The following RANBP2 variants were observed in gnomAD, a reference collection of about 807,000 sequenced individuals.
The protein encoded by RANBP2 is E3 SUMO-protein ligase RanBP2.
In RANBP2, 57 loss-of-function variants were observed where a neutral mutation model predicts 303.6. That is an observed-to-expected ratio of 0.19 (90% confidence interval 0.15 to 0.23). The LOEUF (loss-of-function observed/expected upper bound fraction) is 0.23. RANBP2 is among the 10% of genes least tolerant of loss of function. The pLI, the probability that RANBP2 is intolerant of heterozygous loss-of-function variation, is 1.00. For synonymous variants in RANBP2, 1,167 were observed against 1,301.5 expected (o/e 0.90, Z 2.23); for missense variants, 3,138 against 3,780.8 (o/e 0.83, Z 4.46).
At chr2:109,048,485 C>A in the RANBP2 span, among the ~76,000 whole-genome samples, 1 of 152,154 alleles carries the variant, frequency 6.6e-6, no homozygotes, top group Non-Finnish European at 1.5e-5. Context: ...ACCATGCAAC[C>A]TATTGACCTT....
the RANBP2 span, among the ~76,000 whole-genome samples, chr2:108,868,623 A>G: frequency 6.6e-6 from 1 of 152,126 alleles, no homozygotes; most frequent in African/African-American, 2.4e-5. Context: ...GGCCAGTAAG[A>G]TGGAAACTAG....
chr2:109,019,321 T>TGCTGA, the RANBP2 span, among the ~76,000 whole-genome samples: 2 of 152,364 alleles, frequency 1.3e-5, no homozygotes, highest in African/African-American at 4.8e-5. Context: ...GGGTGTGGTG[T>TGCTGA]GCTGAGCTCC....
chr2:109,247,649 C>T, the RANBP2 span, among the ~76,000 whole-genome samples: 3 of 151,534 alleles, frequency 2.0e-5, no homozygotes, highest in African/African-American at 7.4e-5. Context: ...GGACTGGCTG[C>T]GTTAGCTCTT....
At chr2:108,989,729 G>A in the RANBP2 span, among the ~76,000 whole-genome samples, 1 of 151,968 alleles carries the variant, frequency 6.6e-6, no homozygotes, top group Non-Finnish European at 1.5e-5. Context: ...GTATAACTAG[G>A]TAATTAGGAA....
At chr2:109,613,919 A>G in the RANBP2 span, 2 of 1,213,106 alleles carry the variant, frequency 1.6e-6, no homozygotes, top group Non-Finnish European at 2.0e-6. Context: ...GGAGGGCAGA[A>G]GCAACGGGCG....
the RANBP2 span, among the ~76,000 whole-genome samples, chr2:109,078,171 T>TGTATATATATAGCATATATATATAGC: frequency 2.4e-5 from 3 of 126,606 alleles, 1 homozygote; most frequent in African/African-American, 8.6e-5. Context: ...ATATATAGCG[T>TGTATATATATAGCATATATATATAGC]GTATATATAT....
chr2:108,863,744 A>G, the RANBP2 span, among the ~76,000 whole-genome samples: 2 of 152,236 alleles, frequency 1.3e-5, no homozygotes, highest in African/African-American at 4.8e-5. Flanking sequence ...AAAGTGATTC[A>G]TTGGCATTCT....
At chr2:109,634,704 A>G in the RANBP2 span, among the ~76,000 whole-genome samples, 1 of 152,254 alleles carries the variant, frequency 6.6e-6, no homozygotes, top group Non-Finnish European at 1.5e-5. Flanking sequence ...TATTGACTGC[A>G]TAATACAATA....
At chr2:109,348,863 T>C in the RANBP2 span, among the ~76,000 whole-genome samples, 4 of 152,134 alleles carry the variant, frequency 2.6e-5, no homozygotes, top group Non-Finnish European at 1.5e-5. Flanking sequence ...AGAATCCTAA[T>C]GCAGATCTCT....
the RANBP2 span, among the ~76,000 whole-genome samples, chr2:109,056,495 C>T: frequency 2.0e-5 from 3 of 152,132 alleles, no homozygotes; most frequent in African/African-American, 7.2e-5. Context: ...ATCTCTTCTT[C>T]CCACCCTATG....
chr2:108,816,096 G>GT, the RANBP2 span: 3 of 1,600,024 alleles, frequency 1.9e-6, no homozygotes, highest in Non-Finnish European at 2.6e-6. Flanking sequence ...TTCAGGAGAA[G>GT]TGTGTAAAGG....
chr2:109,203,235 G>A, the RANBP2 span, among the ~76,000 whole-genome samples: 1 of 152,228 alleles, frequency 6.6e-6, no homozygotes, highest in Non-Finnish European at 1.5e-5. Flanking sequence ...TCTTCAGAGA[G>A]CCCCAGGGCA....
the RANBP2 span, among the ~76,000 whole-genome samples, chr2:109,208,567 G>A: frequency 1.2e-4 from 19 of 152,364 alleles, no homozygotes; most frequent in Middle Eastern, 3.4e-3. Flanking sequence ...CCCACCTGCA[G>A]CAGAGCTGTT....
the RANBP2 span, among the ~76,000 whole-genome samples, chr2:109,172,580 C>T: frequency 6.6e-6 from 1 of 152,174 alleles, no homozygotes; most frequent in Admixed American, 6.5e-5. Flanking sequence ...GATTATTGGG[C>T]TGCACCTGGC....
the RANBP2 span, among the ~76,000 whole-genome samples, chr2:109,688,876 T>TTTCCTTCCTTCCTTCC: frequency 6.1e-4 from 90 of 147,378 alleles, no homozygotes; most frequent in Middle Eastern, 3.4e-3. Flanking sequence ...CTACATTTAT[T>TTTCCTTCCTTCCTTCC]TTCCTTCCTT....
At chr2:109,428,360 G>A in the RANBP2 span, among the ~76,000 whole-genome samples, 2 of 152,252 alleles carry the variant, frequency 1.3e-5, no homozygotes, top group Non-Finnish European at 2.9e-5. Flanking sequence ...TCTTGCTATA[G>A]AAATAAGGAA....
chr2:109,222,180 C>T, the RANBP2 span, among the ~76,000 whole-genome samples: 1 of 151,984 alleles, frequency 6.6e-6, no homozygotes, highest in Non-Finnish European at 1.5e-5. Flanking sequence ...GTGCCAGATG[C>T]CAGTGTCTGG....
chr2:109,355,054 A>G, the RANBP2 span, among the ~76,000 whole-genome samples: 2 of 152,160 alleles, frequency 1.3e-5, no homozygotes, highest in Non-Finnish European at 2.9e-5. Context: ...ATCCTTTAGG[A>G]CCACCCTGAG....
At chr2:109,147,254 A>G in the RANBP2 span, among the ~76,000 whole-genome samples, 9 of 152,124 alleles carry the variant, frequency 5.9e-5, no homozygotes, top group African/African-American at 2.2e-4. Context: ...GGTTTGCTCG[A>G]AAGATGTAAA....
Sources: gnomAD v4.1 joint callset for allele counts (sites outside exome capture counted in the v4.1 genomes callset) on GRCh38, gnomAD v4.1.1 for gene constraint, MANE v1.5 for transcripts, NCBI Gene and HGNC (gene_info 2026-07-23, HGNC 2026-07-21) for gene names.